The following MYRIP variants were observed in gnomAD, a reference collection of about 807,000 sequenced individuals.
The protein encoded by MYRIP is myosin VIIA and Rab interacting protein, also known as rab effector MyRIP.
A neutral mutation model predicts 98.0 loss-of-function variants in MYRIP; 49 were observed. That is an observed-to-expected ratio of 0.50 (90% CI 0.40 to 0.63). The LOEUF is 0.63. Among genes scored for constraint, MYRIP ranks in the 30% least tolerant of loss-of-function variants. The pLI, the probability that MYRIP is intolerant of heterozygous loss-of-function variation, is 0.00. For missense variants in MYRIP, 1,004 were observed against 1,058.2 expected (o/e 0.95, Z 0.71); for synonymous variants, 404 against 409.5 (o/e 0.99, Z 0.16).
intron 3 of MYRIP, among the ~76,000 whole-genome samples, chr3:40,050,792 C>T (rs924863425): frequency 6.6e-5 from 10 of 152,064 alleles, no homozygotes; most frequent in African/African-American, 2.4e-4. Flanking sequence ...TATTAACAGG[C>T]GTTTGGAAAA....
At chr3:40,256,708 A>G (rs1412922186) in intron 16 of MYRIP, among the ~76,000 whole-genome samples, 2 of 152,208 alleles carry the variant, frequency 1.3e-5, no homozygotes, top group Non-Finnish European at 2.9e-5. Flanking sequence ...AGAAATAAAA[A>G]GAAACTTAAA....
chr3:40,087,737 A>C (rs922353503), intron 3 of MYRIP, among the ~76,000 whole-genome samples: 1 of 152,220 alleles, frequency 6.6e-6, no homozygotes, highest in Non-Finnish European at 1.5e-5. Flanking sequence ...GCACACAGAG[A>C]GCTCTCTGGA....
intron 2 of MYRIP, among the ~76,000 whole-genome samples, chr3:39,928,355 A>G (rs1014175625): frequency 6.6e-6 from 1 of 151,874 alleles, no homozygotes; most frequent in Non-Finnish European, 1.5e-5. Context: ...CAAAGAAACA[A>G]AGACAGTACA....
intron 2 of MYRIP, among the ~76,000 whole-genome samples, chr3:39,949,117 T>C: frequency 6.6e-6 from 1 of 152,092 alleles, no homozygotes; most frequent in Non-Finnish European, 1.5e-5. Context: ...AATGCAAAAA[T>C]ACTGAAAGAG....
At chr3:40,166,761 T>A (rs1950508322) in intron 5 of MYRIP, 85 bp from the exon 6 acceptor site, 1 of 946,446 alleles carries the variant, frequency 1.1e-6, no homozygotes, top group African/African-American at 1.6e-5. Context: ...CCAGAGCCCC[T>A]GAAGAATTTA....
At chr3:40,144,057 G>C (rs761053157) in intron 3 of MYRIP, among the ~76,000 whole-genome samples, 17 of 152,172 alleles carry the variant, frequency 1.1e-4, no homozygotes, top group Non-Finnish European at 1.8e-4. Flanking sequence ...GGTCTGTCTA[G>C]AACTTAGAAC....
chr3:40,027,783 G>T (rs1471671785), intron 2 of MYRIP, among the ~76,000 whole-genome samples: 2 of 152,072 alleles, frequency 1.3e-5, no homozygotes, highest in Non-Finnish European at 2.9e-5. Flanking sequence ...TTGAGAGAAT[G>T]ATTGACATTC....
intron 11 of MYRIP, chr3:40,232,811 A>G (rs1952699627): frequency 6.6e-6 from 1 of 152,236 alleles, no homozygotes; most frequent in South Asian, 2.1e-4. Flanking sequence ...CATGAACATA[A>G]AAGCTGGAAG....
chr3:39,849,747 T>G (rs1184892704), intron 1 of MYRIP, among the ~76,000 whole-genome samples: 1 of 152,108 alleles, frequency 6.6e-6, no homozygotes, highest in Admixed American at 6.5e-5. Flanking sequence ...TCTTCTACAG[T>G]GTAGAGAGAT....
At chr3:40,060,953 A>G (rs1948000069) in intron 3 of MYRIP, among the ~76,000 whole-genome samples, 1 of 152,208 alleles carries the variant, frequency 6.6e-6, no homozygotes, top group African/African-American at 2.4e-5. Flanking sequence ...ATTGAATTGG[A>G]TGTGCTTTCA....
chr3:40,177,643 G>A (rs1460505992), intron 8 of MYRIP, among the ~76,000 whole-genome samples: 2 of 152,166 alleles, frequency 1.3e-5, no homozygotes, highest in South Asian at 2.1e-4. Flanking sequence ...CCAGTATGGG[G>A]GTCAGTGCGA....
At chr3:39,848,453 T>G (rs1299202464) in intron 1 of MYRIP, among the ~76,000 whole-genome samples, 1 of 140,744 alleles carries the variant, frequency 7.1e-6, no homozygotes, top group East Asian at 2.0e-4. Context: ...AATAGTTTCC[T>G]TTTGCTTATT....
chr3:40,012,918 C>T (rs1286490986), intron 2 of MYRIP, among the ~76,000 whole-genome samples: 2 of 152,228 alleles, frequency 1.3e-5, no homozygotes, highest in East Asian at 1.9e-4. Context: ...TCTCTCTCTC[C>T]CCTATTGGTT....
chr3:40,230,911 C>T (rs1327328810), intron 11 of MYRIP, among the ~76,000 whole-genome samples: 1 of 151,878 alleles, frequency 6.6e-6, no homozygotes, highest in Admixed American at 6.6e-5. Context: ...CTGCAACCTC[C>T]ACCTCCCAGG....
rs149702012 is a variant in MYRIP at position 40,019,692 on chromosome 3, A to C, written c.111-24358A>C. On this transcript the variant is annotated intron_variant, in intron 2 of 16. Coordinates refer to ENST00000302541, the MANE Select transcript of MYRIP (RefSeq NM_015460.4). ...ACATGAAAGAATGAATGAATGTTCC[A>C]GGAATAAGGGAAACAATTCAATCCC... is the stretch of plus-strand genomic sequence containing the variant. Among the ~76,000 whole-genome samples the C allele has an allele frequency of 2.0e-5, 3 of 152,252 alleles. No individual in the cohort carries two copies. In the East Asian group the frequency reaches 5.8e-4, roughly 29 times the overall value.
At chr3:40,189,403 G>A (rs1054877477) in intron 9 of MYRIP, among the ~76,000 whole-genome samples, 7 of 152,150 alleles carry the variant, frequency 4.6e-5, no homozygotes, top group Non-Finnish European at 1.5e-5. Flanking sequence ...TGGTGGAATT[G>A]TTTCCCATCA....
At chr3:39,870,561 G>A (rs1338961465) in intron 1 of MYRIP, among the ~76,000 whole-genome samples, 1 of 151,594 alleles carries the variant, frequency 6.6e-6, no homozygotes, top group East Asian at 1.9e-4. Context: ...GTCTGTTTTA[G>A]GAAATATTTC....
chr3:40,137,875 A>AT (rs1949814549), intron 3 of MYRIP, among the ~76,000 whole-genome samples: 1 of 152,212 alleles, frequency 6.6e-6, no homozygotes. Context: ...CAATGGGAAG[A>AT]TGGCCACACC....
chr3:40,121,134 G>A (rs558699600), intron 3 of MYRIP, among the ~76,000 whole-genome samples: 17 of 152,242 alleles, frequency 1.1e-4, no homozygotes, highest in Admixed American at 2.0e-4. Flanking sequence ...ACAGCTAGGC[G>A]GGTCCCACTG....
Sources: allele counts gnomAD v4.1 joint callset (sites outside exome capture counted in the v4.1 genomes callset), GRCh38; gene constraint gnomAD v4.1.1; transcripts MANE v1.5; gene names NCBI Gene and HGNC (gene_info 2026-07-23, HGNC 2026-07-21).